Variants in FAT4 observed in about 807,000 individuals in gnomAD.
FAT4 encodes the protein protocadherin Fat 4.
FAT4 carries 84 observed loss-of-function variants against 303.9 expected under a neutral mutation model. The observed-to-expected ratio is 0.28, with a 90% CI of 0.23 to 0.33. The LOEUF (loss-of-function observed/expected upper bound fraction) is 0.33, where lower values mean the gene tolerates loss of function less well. FAT4 is among the 10% of genes least tolerant of loss of function. FAT4 has a pLI of 1.00. For missense variants in FAT4, 6,005 were observed against 6,146.8 expected, an observed-to-expected ratio of 0.98 and a Z score of 0.77; for synonymous variants, 2,307 against 2,298.8, an observed-to-expected ratio of 1.00 and a Z score of -0.10.
intron 13 of FAT4, among the ~76,000 whole-genome samples, chr4:125,476,557 G>A (rs1428877595): frequency 1.3e-5 from 2 of 152,112 alleles, no homozygotes; most frequent in Non-Finnish European, 2.9e-5. Flanking sequence ...AAACATGTAG[G>A]ATAAAGACCT....
chr4:125,446,726 C>A (rs1421000655), intron 9 of FAT4, among the ~76,000 whole-genome samples, 183 bp downstream of exon 9: 1 of 151,918 alleles, frequency 6.6e-6, no homozygotes, highest in Non-Finnish European at 1.5e-5. Context: ...AAAATTAACC[C>A]TTTCTTGCTA....
intron 2 of FAT4, among the ~76,000 whole-genome samples, chr4:125,345,982 A>G (rs759024108): frequency 6.6e-6 from 1 of 151,756 alleles, no homozygotes; most frequent in African/African-American, 2.4e-5. Context: ...TTTTTTTTAT[A>G]TATAATTTTA....
In FAT4 at chr4:125,406,974, G is replaced by T. The variant is rs753037535; in HGVS notation, c.5402G>T (p.Arg1801Leu). The change falls in exon 4 of 18, where the codon CGG becomes CTG. Residue 1801 changes from arginine to leucine, a missense_variant. Physicochemically the swap from Arg to Leu is moderately radical, Grantham distance 102. Transcript: ENST00000394329. ...TCCGGAGATCTGATAGCAACCAGGC[G>T]GTTGGACAGGGAACGCCGCTCCAAA... is the stretch of plus-strand genomic sequence containing the variant. ...PESGDLIATRRLDRERRSKYS... is the reference protein window; with the variant it reads ...PESGDLIATRLLDRERRSKYS... The T allele has an allele frequency of 1.2e-6, 2 of 1,613,776 alleles. No individual in the cohort carries two copies. The highest frequency in any genetic ancestry group is 3.3e-5 in the Admixed American group (2 of 59,966).
At position 125,318,054 on chromosome 4, in the gene FAT4, T is replaced by C. The variant is rs1730717740; in HGVS notation, c.1643T>C (p.Ile548Thr). The C allele has an allele frequency of 6.2e-7, 1 of 1,613,930 alleles. No homozygotes were observed. The highest frequency in any genetic ancestry group is 1.1e-5 in the South Asian group (1 of 91,076). Residue 548 changes from isoleucine to threonine, a missense_variant, in exon 2 of 18, where the codon ATT becomes ACT. Transcript: ENST00000394329. ...CTGGACCGTGAACTTGCTTCCCAGA[T>C]TGTTCTGAATATAAGTGCCCGGGAC... ...GGLDRELASQIVLNISARDQG... is the reference protein window; with the variant it reads ...GGLDRELASQTVLNISARDQG...
chr4:125,382,932 T>G (rs1031091160), intron 2 of FAT4, among the ~76,000 whole-genome samples: 2 of 152,206 alleles, frequency 1.3e-5, no homozygotes, highest in African/African-American at 2.4e-5. Flanking sequence ...AACCAAGCCC[T>G]GCTAGCTTCC....
intron 10 of FAT4, 60 bp downstream of exon 10, chr4:125,452,870 G>C (rs755449182): frequency 6.1e-5 from 91 of 1,496,720 alleles, no homozygotes; most frequent in Non-Finnish European, 2.3e-5. Flanking sequence ...ATATTGAAAC[G>C]AAATAATTTT....
At chr4:125,480,849 A>C (rs1248124081) in intron 15 of FAT4, among the ~76,000 whole-genome samples, 2 of 152,022 alleles carry the variant, frequency 1.3e-5, no homozygotes, top group Non-Finnish European at 2.9e-5. Flanking sequence ...CATACTATAA[A>C]ATGTATTCTT....
chr4:125,413,749 AT>A (rs561148718), intron 5 of FAT4, among the ~76,000 whole-genome samples: 1 of 151,942 alleles, frequency 6.6e-6, no homozygotes, highest in African/African-American at 2.4e-5. Context: ...ATGAGAAAGA[AT>A]TTTTTTAAAG....
At chr4:125,336,827 A>C (rs1291689529) in intron 2 of FAT4, among the ~76,000 whole-genome samples, 1 of 80,968 alleles carries the variant, frequency 1.2e-5, no homozygotes, top group African/African-American at 6.3e-5. Context: ...TTATACTATG[A>C]CTATGAAAAC....
intron 8 of FAT4, among the ~76,000 whole-genome samples, chr4:125,434,882 T>A (rs1725401190): frequency 6.6e-6 from 1 of 152,154 alleles, no homozygotes; most frequent in Non-Finnish European, 1.5e-5. Context: ...GCAAAGTAGT[T>A]GGACTTTTTA....
intron 11 of FAT4, among the ~76,000 whole-genome samples, chr4:125,467,258 T>C (rs1387021264): frequency 6.6e-6 from 1 of 152,212 alleles, no homozygotes; most frequent in Non-Finnish European, 1.5e-5. Flanking sequence ...CCTCAAATTT[T>C]GGCTGTTTCT....
In FAT4 at chr4:125,318,711, A is replaced by T. The variant is rs1156244806; in HGVS notation, c.2300A>T (p.Asp767Val). Residue 767 changes from aspartate to valine, a missense_variant, in exon 2 of 18, where the codon GAT (aspartate) becomes GTT (valine). Transcript: ENST00000394329. ...TATCAGTTGCAAATAGTAGCTACTGATGGTGGCAATTTACAATCTCCCAAC... is the reference window on the plus strand; with the variant it reads ...TATCAGTTGCAAATAGTAGCTACTGTTGGTGGCAATTTACAATCTCCCAAC... ...TAYQLQIVAT[D>V]GGNLQSPNQA... 6.2e-7 allele frequency: 1 copy of T among 1,613,978 alleles called. No homozygotes were observed. Among genetic ancestry groups the T allele is most frequent in the Non-Finnish European group, 8.5e-7 (1 of 1,179,968 alleles).
intron 16 of FAT4, among the ~76,000 whole-genome samples, chr4:125,486,037 C>A (rs1727398215): frequency 6.6e-6 from 1 of 152,086 alleles, no homozygotes; most frequent in African/African-American, 2.4e-5. Context: ...TTCTTATCCA[C>A]CCCAATTTGT....
intron 15 of FAT4, among the ~76,000 whole-genome samples, chr4:125,480,181 G>T (rs538784945): frequency 3.3e-5 from 5 of 151,602 alleles, no homozygotes; most frequent in Admixed American, 2.6e-4. Flanking sequence ...TTATAGTTAG[G>T]CTTTTTTTCA....
intron 2 of FAT4, among the ~76,000 whole-genome samples, chr4:125,382,977 C>T (rs1560789655): frequency 6.6e-6 from 1 of 152,168 alleles, no homozygotes. Flanking sequence ...GCTCTCTCAG[C>T]CTTCAAAGAA....
At chr4:125,465,068 A>C (rs545250397) in intron 11 of FAT4, among the ~76,000 whole-genome samples, 1 of 152,322 alleles carries the variant, frequency 6.6e-6, no homozygotes, top group East Asian at 1.9e-4. Flanking sequence ...AAAATAGAAA[A>C]ATATCTAATT....
chr4:125,415,928 A>G, intron 6 of FAT4, 122 bp downstream of exon 6: 2 of 729,388 alleles, frequency 2.7e-6, no homozygotes, highest in East Asian at 2.7e-5. Context: ...ATAAATGCTC[A>G]ATTGCAGATA....
chr4:125,358,369 A>G (rs925906400), intron 2 of FAT4, among the ~76,000 whole-genome samples: 53 of 152,034 alleles, frequency 3.5e-4, no homozygotes, highest in African/African-American at 1.2e-3. Context: ...TTATTATTAT[A>G]TTGTAATATC....
chr4:125,416,309 A>AT, intron 6 of FAT4, 139 bp from the exon 7 acceptor site: 1 of 791,958 alleles, frequency 1.3e-6, no homozygotes, highest in African/African-American at 1.8e-5. Context: ...TGCCATTTTT[A>AT]TTTTTTACTT....
Sources: gnomAD v4.1 joint callset for allele counts (sites outside exome capture counted in the v4.1 genomes callset) on GRCh38, gnomAD v4.1.1 for gene constraint, MANE v1.5 for transcripts, NCBI Gene and HGNC (gene_info 2026-07-23, HGNC 2026-07-21) for gene names.